Variants in ALPL observed in about 807,000 individuals in gnomAD.
ALPL encodes the protein alkaline phosphatase, biomineralization associated.
ALPL carries 42 observed loss-of-function variants against 51.3 expected under a neutral mutation model. That is an observed-to-expected ratio of 0.82 (90% confidence interval 0.64 to 1.06). ALPL has a LOEUF of 1.06. Ranked by LOEUF, ALPL falls within the 50% of genes least tolerant of loss-of-function variation. The pLI is 0.00. For synonymous variants in ALPL, 279 were observed against 296.4 expected, an observed-to-expected ratio of 0.94 and a Z score of 0.60; for missense variants, 589 against 709.4, an observed-to-expected ratio of 0.83 and a Z score of 1.93.
chr1:21,570,059 C>A (rs1339073944), intron 7 of ALPL, among the ~76,000 whole-genome samples: 1 of 152,202 alleles, frequency 6.6e-6, no homozygotes, highest in Non-Finnish European at 1.5e-5. Flanking sequence ...AGGAAGCCCT[C>A]CCTGGTCCTG....
intron 4 of ALPL, 139 bp from the exon 5 acceptor site, chr1:21,562,971 G>A: frequency 8.7e-7 from 1 of 1,155,704 alleles, no homozygotes. Context: ...GGGGGCTTCA[G>A]TGGGCAGTGG....
chr1:21,567,077 C>G (rs1644575829), intron 6 of ALPL, among the ~76,000 whole-genome samples: 1 of 152,190 alleles, frequency 6.6e-6, no homozygotes, highest in Admixed American at 6.5e-5. Flanking sequence ...ATCCTGTGTT[C>G]CTGGCCCCCT....
At chr1:21,567,184 C>T (rs1271180258) in intron 6 of ALPL, among the ~76,000 whole-genome samples, 3 of 152,176 alleles carry the variant, frequency 2.0e-5, no homozygotes, top group African/African-American at 7.2e-5. Flanking sequence ...GGATCTGGGG[C>T]CAGTGTCAGC....
At chr1:21,530,491 C>T (rs768982770) in intron 1 of ALPL, among the ~76,000 whole-genome samples, 4 of 152,104 alleles carry the variant, frequency 2.6e-5, no homozygotes, top group Admixed American at 6.5e-5. Flanking sequence ...TCCAAGGAGA[C>T]GACATTGCCA....
At chr1:21,561,311 C>T in intron 4 of ALPL, 99 bp downstream of exon 4, 1 of 1,067,820 alleles carries the variant, frequency 9.4e-7, no homozygotes, top group South Asian at 1.3e-5. Flanking sequence ...ACCCCCTGAG[C>T]CCCCTCCATG....
intron 1 of ALPL, among the ~76,000 whole-genome samples, chr1:21,531,542 G>A (rs1286353500): frequency 6.6e-6 from 1 of 152,220 alleles, no homozygotes; most frequent in Non-Finnish European, 1.5e-5. Context: ...CACATGTCCT[G>A]GGATAGAGAG....
chr1:21,565,581 G>T (rs1644551230), intron 6 of ALPL, among the ~76,000 whole-genome samples: 1 of 152,008 alleles, frequency 6.6e-6, no homozygotes, highest in South Asian at 2.1e-4. Context: ...TTCGAGGGGA[G>T]GGAAGATGTT....
chr1:21,552,301 T>G, intron 1 of ALPL, among the ~76,000 whole-genome samples: 1 of 150,440 alleles, frequency 6.6e-6, no homozygotes, highest in African/African-American at 2.4e-5. Flanking sequence ...CTGACCAACA[T>G]GGACCCCATC....
At chr1:21,573,945 G>A (rs1246343110) in intron 9 of ALPL, 146 bp downstream of exon 9, 1 of 1,487,290 alleles carries the variant, frequency 6.7e-7, no homozygotes, top group African/African-American at 1.4e-5. Flanking sequence ...GAAGGAGACG[G>A]GTGGCACTGT....
intron 8 of ALPL, among the ~76,000 whole-genome samples, chr1:21,572,922 G>T (rs548360057): frequency 6.6e-6 from 1 of 152,306 alleles, no homozygotes; most frequent in South Asian, 2.1e-4. Context: ...CACTCTAGCG[G>T]CCCCATCGAG....
At chr1:21,525,697 G>A (rs1268625225) in intron 1 of ALPL, among the ~76,000 whole-genome samples, 1 of 149,944 alleles carries the variant, frequency 6.7e-6, no homozygotes, top group African/African-American at 2.4e-5. Context: ...CCTTCAAAGA[G>A]TGTGTGTAGG....
intron 1 of ALPL, among the ~76,000 whole-genome samples, chr1:21,541,195 C>T (rs1473982537): frequency 3.3e-5 from 5 of 152,190 alleles, no homozygotes; most frequent in South Asian, 2.1e-4. Flanking sequence ...ATCTCTGCCC[C>T]GCAGTCCATC....
chr1:21,538,883 T>G (rs1247193958), intron 1 of ALPL, among the ~76,000 whole-genome samples: 1 of 152,190 alleles, frequency 6.6e-6, no homozygotes, highest in Non-Finnish European at 1.5e-5. Context: ...AGATGTGACA[T>G]TCTCTTGCTG....
chr1:21,541,715 T>C (rs975256042), intron 1 of ALPL, among the ~76,000 whole-genome samples: 1 of 151,500 alleles, frequency 6.6e-6, no homozygotes, highest in Non-Finnish European at 1.5e-5. Context: ...TGGGGTAGGG[T>C]AGGGAGAGGG....
chr1:21,568,161 T>C lies in ALPL; in HGVS notation c.706T>C (p.Tyr236His), dbSNP rs758451024. The C allele has an allele frequency of 1.2e-6, 2 of 1,613,446 alleles. No homozygotes were observed. The highest frequency in any genetic ancestry group is 2.2e-5 in the South Asian group (2 of 91,028). The change falls in exon 7 of 12, where the codon TAT becomes CAT. Residue 236 changes from tyrosine (Y) to histidine (H), a missense_variant. Transcript: ENST00000374840. ...CCCCAAGAATAAAACTGATGTGGAGTATGAGAGTGACGAGAAAGCCAGGGG... is the reference window on the plus strand; with the variant it reads ...CCCCAAGAATAAAACTGATGTGGAGCATGAGAGTGACGAGAAAGCCAGGGG... Reference protein sequence around the residue: ...MYPKNKTDVEYESDEKARGTR... With the variant: ...MYPKNKTDVEHESDEKARGTR...
At chr1:21,563,436 C>T (rs1644515685) in intron 5 of ALPL, 152 bp downstream of exon 5, 3 of 1,070,150 alleles carry the variant, frequency 2.8e-6, no homozygotes, top group Admixed American at 2.9e-5. Flanking sequence ...CCATGGGATT[C>T]CTTCCGTGAC....
intron 2 of ALPL, among the ~76,000 whole-genome samples, chr1:21,554,357 T>G (rs1298058605): frequency 6.7e-6 from 1 of 149,582 alleles, no homozygotes; most frequent in Non-Finnish European, 1.5e-5. Context: ...TACACATATA[T>G]GAAATATATA....
intron 1 of ALPL, among the ~76,000 whole-genome samples, chr1:21,516,902 T>C (rs1643811581): frequency 6.6e-6 from 1 of 152,230 alleles, no homozygotes; most frequent in African/African-American, 2.4e-5. Context: ...TGTCCTGGAA[T>C]TGTAAGTTGA....
At chr1:21,550,636 C>T (rs568015279) in intron 1 of ALPL, among the ~76,000 whole-genome samples, 2 of 152,246 alleles carry the variant, frequency 1.3e-5, no homozygotes, top group Non-Finnish European at 2.9e-5. Context: ...GTGTAACCAG[C>T]ACCCACCCAC....
Sources: gnomAD v4.1 joint callset for allele counts (sites outside exome capture counted in the v4.1 genomes callset) on GRCh38, gnomAD v4.1.1 for gene constraint, MANE v1.5 for transcripts, NCBI Gene and HGNC (gene_info 2026-07-23, HGNC 2026-07-21) for gene names.